The following TTLL5 variants were observed in gnomAD, a reference collection of about 807,000 sequenced individuals.
TTLL5 encodes the protein tubulin polyglutamylase TTLL5.
In TTLL5, 132 loss-of-function variants were observed where a neutral mutation model predicts 168.4. The ratio of observed to expected loss-of-function variants is 0.78; its 90% CI spans 0.68 to 0.91. The LOEUF (loss-of-function observed/expected upper bound fraction) is 0.91. TTLL5 is among the 40% of genes least tolerant of loss of function. TTLL5 has a pLI of 0.00. For missense variants in TTLL5, 1,545 were observed against 1,581.5 expected (o/e 0.98, Z 0.39); for synonymous variants, 546 against 558.6 (o/e 0.98, Z 0.32).
intron 28 of TTLL5, 144 bp from the exon 29 acceptor site, chr14:75,863,523 T>G: frequency 1.4e-6 from 1 of 725,638 alleles, no homozygotes. Flanking sequence ...AGTGGGGGAG[T>G]GAGATAATAT....
chr14:75,741,694 G>T (rs2359866), intron 15 of TTLL5, among the ~76,000 whole-genome samples: 114,935 of 151,842 alleles, frequency 0.76, 43,781 homozygotes, highest in Admixed American at 0.8. Flanking sequence ...CACAGAATTA[G>T]AGACCTTTCT....
At position 75,662,188 on chromosome 14, in the gene TTLL5, CCTATTTATA is replaced by C. The variant is rs555875707; in HGVS notation, c.-96+802_-96+810del. On this transcript the variant is annotated intron_variant, in intron 1 of 31. Coordinates refer to ENST00000298832, the MANE Select transcript of TTLL5 (RefSeq NM_015072.5). Reference sequence around the variant, plus strand: ...GGAAGGGCATTCCTCCCCTCCCCCACCTATTTATATGGACCTTTGATTCAAGAGAATATA... The same window carrying C: ...GGAAGGGCATTCCTCCCCTCCCCCACTGGACCTTTGATTCAAGAGAATATA... 5.9e-5 allele frequency among the ~76,000 whole-genome samples: 9 copies of C among 152,174 alleles called. No individual in the cohort carries two copies. In the East Asian group the frequency reaches 1.7e-3, roughly 29 times the overall value.
chr14:75,707,607 A>G lies in TTLL5; in HGVS notation c.656-16A>G. 6.2e-7 allele frequency: 1 copy of G among 1,602,410 alleles called. No individual in the cohort carries two copies. Among genetic ancestry groups the G allele is most frequent in the Non-Finnish European group, 8.5e-7 (1 of 1,175,420 alleles). On this transcript the variant is annotated splice_polypyrimidine_tract_variant and intron_variant, in intron 8 of 31. Transcript: ENST00000298832. ...AACTTAGTTTTTTTTTGTGAATACA[A>G]ACTTTTTTTTTTTAGATTTCAAGTT...
rs553047222 is a variant in TTLL5, at chr14:75,834,240, G to A, written c.3326+14079G>A. 2.0e-5 allele frequency among the ~76,000 whole-genome samples: 3 copies of A among 152,296 alleles called. No individual in the cohort carries two copies. In the East Asian group the frequency reaches 5.8e-4, roughly 29 times the overall value. ...GAAAATGGCGGAGATTTGTGCAAAG[G>A]CAGGGAGGTATGGAAGAGCATACCT... On this transcript the variant is annotated intron_variant, in intron 28 of 31. Transcript: ENST00000298832.
At chr14:75,734,543 T>C (rs988691123) in intron 14 of TTLL5, among the ~76,000 whole-genome samples, 8 of 152,206 alleles carry the variant, frequency 5.3e-5, no homozygotes, top group Non-Finnish European at 8.8e-5. Flanking sequence ...GTTGGTTTTT[T>C]TTTAGGTACT....
chr14:75,881,320 C>T (rs2031800562), intron 29 of TTLL5, among the ~76,000 whole-genome samples: 2 of 152,176 alleles, frequency 1.3e-5, no homozygotes, highest in South Asian at 4.1e-4. Context: ...TCAGATTGGT[C>T]TGACTGAAAA....
At chr14:75,699,585 T>A (rs530438844) in intron 7 of TTLL5, among the ~76,000 whole-genome samples, 2 of 152,224 alleles carry the variant, frequency 1.3e-5, no homozygotes, top group Non-Finnish European at 2.9e-5. Context: ...ACACACCAAG[T>A]ATTAATTGAT....
chr14:75,768,273 A>C (rs749702878), intron 20 of TTLL5, among the ~76,000 whole-genome samples: 5 of 152,246 alleles, frequency 3.3e-5, no homozygotes, highest in African/African-American at 4.8e-5. Context: ...TAAAAGCTGC[A>C]GAATGAGCAT....
At chr14:75,701,421 G>T (rs1245693452) in intron 7 of TTLL5, among the ~76,000 whole-genome samples, 1 of 152,178 alleles carries the variant, frequency 6.6e-6, no homozygotes, top group Non-Finnish European at 1.5e-5. Flanking sequence ...CTGTGGTTGT[G>T]TAGGACTCTT....
At chr14:75,912,098 C>G (rs1358142744) in intron 31 of TTLL5, among the ~76,000 whole-genome samples, 6 of 152,210 alleles carry the variant, frequency 3.9e-5, no homozygotes, top group Admixed American at 2.6e-4. Context: ...CTGGCTCCTC[C>G]GCAGCCAGCT....
intron 31 of TTLL5, chr14:75,941,500 C>T (rs559032467): frequency 4.6e-5 from 7 of 152,270 alleles, no homozygotes; most frequent in African/African-American, 1.7e-4. Context: ...AAGAGGTAAA[C>T]GTCTTTGCAT....
intron 12 of TTLL5, among the ~76,000 whole-genome samples, chr14:75,723,566 G>A (rs1398733825): frequency 1.3e-5 from 2 of 152,030 alleles, no homozygotes; most frequent in South Asian, 4.1e-4. Context: ...AAAAATCTTT[G>A]TTCTAAATAA....
intron 7 of TTLL5, 120 bp from the exon 8 acceptor site, chr14:75,706,898 T>C (rs1484563241): frequency 6.3e-6 from 5 of 799,434 alleles, no homozygotes; most frequent in Non-Finnish European, 2.0e-6. Flanking sequence ...GAGGAAACTT[T>C]AACCAGAATT....
At chr14:75,742,756 G>A (rs1290027848) in intron 15 of TTLL5, among the ~76,000 whole-genome samples, 1 of 152,048 alleles carries the variant, frequency 6.6e-6, no homozygotes, top group African/African-American at 2.4e-5. Flanking sequence ...AGTATTTTTT[G>A]GCAAACAATA....
chr14:75,694,485 C>T (rs1357160646), intron 6 of TTLL5, among the ~76,000 whole-genome samples: 2 of 152,092 alleles, frequency 1.3e-5, no homozygotes, highest in Non-Finnish European at 2.9e-5. Flanking sequence ...TACAGATGTG[C>T]ACCATGCCTA....
chr14:75,921,902 T>C (rs1217372394), intron 31 of TTLL5, among the ~76,000 whole-genome samples: 2 of 152,364 alleles, frequency 1.3e-5, no homozygotes, highest in South Asian at 2.1e-4. Context: ...TTTATTTTGT[T>C]GAGCAGTAGT....
At chr14:75,915,209 A>G (rs2033571682) in intron 31 of TTLL5, among the ~76,000 whole-genome samples, 3 of 152,136 alleles carry the variant, frequency 2.0e-5, no homozygotes, top group Non-Finnish European at 4.4e-5. Flanking sequence ...CTCACCATGA[A>G]TTCTTTAGGT....
chr14:75,950,048 A>G (rs2034911370), intron 31 of TTLL5, among the ~76,000 whole-genome samples: 1 of 152,224 alleles, frequency 6.6e-6, no homozygotes, highest in South Asian at 2.1e-4. Flanking sequence ...TAACCAGATA[A>G]CAAAAATTAC....
intron 12 of TTLL5, among the ~76,000 whole-genome samples, chr14:75,721,492 G>A (rs890980128): frequency 6.6e-6 from 1 of 152,194 alleles, no homozygotes; most frequent in Non-Finnish European, 1.5e-5. Flanking sequence ...GAGTAATACA[G>A]GTAGTAAGGA....
Sources: allele counts gnomAD v4.1 joint callset (sites outside exome capture counted in the v4.1 genomes callset), GRCh38; gene constraint gnomAD v4.1.1; transcripts MANE v1.5; gene names NCBI Gene and HGNC (gene_info 2026-07-23, HGNC 2026-07-21).